Variants in UNC80 observed in about 807,000 individuals in gnomAD.
UNC80 encodes the protein unc-80 subunit of NALCN channel complex, also known as protein unc-80 homolog.
UNC80 carries 164 observed loss-of-function variants against 384.6 expected under a neutral mutation model. That is an observed-to-expected ratio of 0.43 (90% CI 0.38 to 0.49). UNC80 has a LOEUF of 0.49. UNC80 is among the 20% of genes least tolerant of loss of function. The pLI, the probability that UNC80 is intolerant of heterozygous loss-of-function variation, is 0.00. For synonymous variants in UNC80, 1,486 were observed against 1,527.8 expected (o/e 0.97, Z 0.64); for missense variants, 3,330 against 4,143.0 (o/e 0.80, Z 5.39).
At chr2:209,777,816 A>G (rs917844783) in intron 4 of UNC80, among the ~76,000 whole-genome samples, 4 of 152,198 alleles carry the variant, frequency 2.6e-5, no homozygotes, top group Non-Finnish European at 5.9e-5. Flanking sequence ...TAAGCATAGA[A>G]TAAAAGGTCA....
chr2:209,837,837 T>G (rs556423281), intron 18 of UNC80, among the ~76,000 whole-genome samples: 1 of 151,870 alleles, frequency 6.6e-6, no homozygotes, highest in South Asian at 2.1e-4. Flanking sequence ...AGTGGCGCTA[T>G]CTCGGCTCAC....
chr2:209,788,604 AAAAT>A (rs1406819248), intron 5 of UNC80, among the ~76,000 whole-genome samples: 1 of 147,792 alleles, frequency 6.8e-6, no homozygotes, highest in Admixed American at 6.8e-5. Context: ...AAATAAAAGT[AAAAT>A]AAATATATAA....
chr2:209,791,428 A>G (rs1417351668), intron 6 of UNC80, among the ~76,000 whole-genome samples: 1 of 152,044 alleles, frequency 6.6e-6, no homozygotes, highest in Non-Finnish European at 1.5e-5. Context: ...CCTGTCTCTG[A>G]TTATCCCTTC....
At chr2:209,933,036 C>T (rs777877394) in intron 38 of UNC80, among the ~76,000 whole-genome samples, 2 of 151,898 alleles carry the variant, frequency 1.3e-5, no homozygotes, top group Non-Finnish European at 2.9e-5. Flanking sequence ...ATGGTTAAAA[C>T]CCACAAGAAA....
At chr2:209,993,546 T>C (rs2093430274) in intron 63 of UNC80, 120 bp downstream of exon 63, 2 of 766,720 alleles carry the variant, frequency 2.6e-6, no homozygotes, top group Non-Finnish European at 4.1e-6. Context: ...GGTGCTAACA[T>C]AAGGGAAGGA....
intron 26 of UNC80, among the ~76,000 whole-genome samples, chr2:209,891,653 C>G (rs2086344306): frequency 6.6e-6 from 1 of 151,974 alleles, no homozygotes; most frequent in African/African-American, 2.4e-5. Context: ...AATATTTTTT[C>G]TACACACAGA....
At chr2:209,806,718 C>A (rs757029465) in intron 7 of UNC80, among the ~76,000 whole-genome samples, 8 of 152,220 alleles carry the variant, frequency 5.3e-5, no homozygotes, top group Non-Finnish European at 8.8e-5. Context: ...AATTCATTAT[C>A]TCTTTTGCTC....
At position 209,867,854 on chromosome 2, in the gene UNC80, A is replaced by G. The variant is rs558998906; in HGVS notation, c.3628-4904A>G. Among the ~76,000 whole-genome samples the G allele has an allele frequency of 8.7e-4, 133 of 152,308 alleles. 3 individuals are homozygous for G. The South Asian group carries it at 0.026, about 30-fold the overall frequency. ...AAACAAAAGCAAAATAAAAATAGAC[A>G]TTTTTGGATATTTTACCCACCATTT... On this transcript the variant is annotated intron_variant, in intron 22 of 64. Transcript: ENST00000673920.
chr2:209,908,037 C>T (rs183437424), intron 29 of UNC80, among the ~76,000 whole-genome samples: 1 of 152,312 alleles, frequency 6.6e-6, no homozygotes, highest in Admixed American at 6.5e-5. Flanking sequence ...TGAATTGACT[C>T]CTCTGTGATA....
intron 51 of UNC80, among the ~76,000 whole-genome samples, chr2:209,963,868 C>T (rs1337546778): frequency 6.6e-6 from 1 of 152,066 alleles, no homozygotes; most frequent in African/African-American, 2.4e-5. Context: ...CAGAATTAAG[C>T]CTAGTAGGAA....
chr2:209,892,105 GTGATA>G (rs1279013525), intron 26 of UNC80, among the ~76,000 whole-genome samples: 1 of 152,138 alleles, frequency 6.6e-6, no homozygotes, highest in African/African-American at 2.4e-5. Flanking sequence ...TACCAGAAAT[GTGATA>G]TAAGGTGTGT....
At chr2:209,856,004 G>A (rs2082885804) in intron 22 of UNC80, among the ~76,000 whole-genome samples, 1 of 151,974 alleles carries the variant, frequency 6.6e-6, no homozygotes, top group Admixed American at 6.6e-5. Flanking sequence ...AAACCTATGA[G>A]TAAAATTATT....
At chr2:209,927,312 A>G (rs2090512786) in intron 36 of UNC80, among the ~76,000 whole-genome samples, 1 of 152,228 alleles carries the variant, frequency 6.6e-6, no homozygotes, top group Admixed American at 6.5e-5. Flanking sequence ...TTAGCTTGAC[A>G]CCACTAATAC....
intron 11 of UNC80, 109 bp from the exon 12 acceptor site, chr2:209,818,884 C>T: frequency 7.6e-7 from 1 of 1,308,690 alleles, no homozygotes; most frequent in South Asian, 1.6e-5. Context: ...TAAATATTTT[C>T]AAAAACTACA....
intron 21 of UNC80, among the ~76,000 whole-genome samples, chr2:209,847,478 T>G (rs1013841207): frequency 5.9e-5 from 9 of 152,024 alleles, no homozygotes; most frequent in Non-Finnish European, 1.3e-4. Flanking sequence ...TCTTACGTCC[T>G]GTGCTTATAG....
intron 51 of UNC80, chr2:209,961,514 A>G (rs1381848722): frequency 6.6e-6 from 1 of 152,242 alleles, no homozygotes; most frequent in Non-Finnish European, 1.5e-5. Flanking sequence ...AGTGTATACA[A>G]ATTATAGAGT....
intron 61 of UNC80, among the ~76,000 whole-genome samples, chr2:209,987,672 AT>A (rs35801435): frequency 5.3e-5 from 8 of 151,750 alleles, no homozygotes; most frequent in Admixed American, 1.3e-4. Context: ...GTCAACTCTA[AT>A]TTTTTTTTAA....
intron 28 of UNC80, among the ~76,000 whole-genome samples, chr2:209,902,008 CA>C (rs1408848810): frequency 9.9e-5 from 15 of 151,766 alleles, no homozygotes; most frequent in Middle Eastern, 6.8e-3. Flanking sequence ...TGGATCTTGG[CA>C]AAGTAAATTG....
Position 209,944,961 on chromosome 2 carries a change from GGTAATAGCATTTATAAA to G in UNC80, c.7051-89_7051-73del. 2.1e-6 allele frequency: 3 copies of G among 1,399,762 alleles called. No homozygotes were observed. The East Asian group carries it at 7.5e-5, about 35-fold the overall frequency. 86.7% of individuals were successfully genotyped at this position (1,399,762 alleles called of 1,614,324 possible). Reference sequence around the variant, plus strand: ...CCAGGTAGATGTTGTACTTGTTACTGGTAATAGCATTTATAAAATTTGAATTCCTGTCAAGTTATAGT... The same window carrying G: ...CCAGGTAGATGTTGTACTTGTTACTGATTTGAATTCCTGTCAAGTTATAGT... On this transcript the variant is annotated intron_variant, in intron 45 of 64. Transcript: ENST00000673920.
Sources: gnomAD v4.1 joint callset for allele counts (sites outside exome capture counted in the v4.1 genomes callset) on GRCh38, gnomAD v4.1.1 for gene constraint, MANE v1.5 for transcripts, NCBI Gene and HGNC (gene_info 2026-07-23, HGNC 2026-07-21) for gene names.